The following NDUFAF2 variants were observed in gnomAD, a reference collection of about 807,000 sequenced individuals.
NDUFAF2 encodes NADH dehydrogenase [ubiquinone] 1 alpha subcomplex assembly factor 2.
A neutral mutation model predicts 22.8 loss-of-function variants in NDUFAF2; 13 were observed. That is an observed-to-expected ratio of 0.57 (90% CI 0.37 to 0.91). NDUFAF2 has a LOEUF of 0.91. NDUFAF2 is among the 40% of genes least tolerant of loss of function. The pLI, the probability that NDUFAF2 is intolerant of heterozygous loss-of-function variation, is 0.01. For synonymous variants in NDUFAF2, 53 were observed against 64.2 expected (o/e 0.83, Z 0.84); for missense variants, 162 against 195.2 (o/e 0.83, Z 1.01).
At chr5:60,967,472 G>T (rs1015699456) in intron 1 of NDUFAF2, among the ~76,000 whole-genome samples, 88 of 151,612 alleles carry the variant, frequency 5.8e-4, no homozygotes, top group African/African-American at 2.0e-3. Flanking sequence ...TTAACTATAT[G>T]TTTATCATAT....
intron 1 of NDUFAF2, among the ~76,000 whole-genome samples, chr5:60,988,810 A>G (rs1751118165): frequency 6.6e-6 from 1 of 152,192 alleles, no homozygotes; most frequent in Non-Finnish European, 1.5e-5. Context: ...TGCAAAATCT[A>G]AAACTATAAT....
At chr5:60,946,102 T>C (rs1750448571) in intron 1 of NDUFAF2, among the ~76,000 whole-genome samples, 1 of 152,098 alleles carries the variant, frequency 6.6e-6, no homozygotes, top group Non-Finnish European at 1.5e-5. Flanking sequence ...GCGGGTTGTT[T>C]GGGGAGTAAG....
At chr5:61,104,669 C>T (rs1215833388) in intron 3 of NDUFAF2, among the ~76,000 whole-genome samples, 2 of 151,958 alleles carry the variant, frequency 1.3e-5, no homozygotes, top group Non-Finnish European at 2.9e-5. Context: ...TCTAAGGTTG[C>T]TTGGCCCTAA....
intron 1 of NDUFAF2, among the ~76,000 whole-genome samples, chr5:60,948,970 A>C (rs959168877): frequency 1.3e-5 from 2 of 151,806 alleles, no homozygotes; most frequent in Admixed American, 6.6e-5. Context: ...AGTCTTTTTA[A>C]TTTTAGCTCT....
chr5:61,088,876 T>A (rs1752535215), intron 2 of NDUFAF2, among the ~76,000 whole-genome samples: 1 of 152,122 alleles, frequency 6.6e-6, no homozygotes, highest in South Asian at 2.1e-4. Flanking sequence ...GTAAGTGAAG[T>A]AAGCACATAT....
chr5:61,151,969 G>T (rs1226293972), intron 3 of NDUFAF2, among the ~76,000 whole-genome samples: 1 of 152,150 alleles, frequency 6.6e-6, no homozygotes, highest in African/African-American at 2.4e-5. Context: ...CTATAGTGAT[G>T]CTTCTTAAAT....
At chr5:60,980,999 G>GAGAT (rs1312197473) in intron 1 of NDUFAF2, among the ~76,000 whole-genome samples, 1 of 152,170 alleles carries the variant, frequency 6.6e-6, no homozygotes, top group Non-Finnish European at 1.5e-5. Context: ...GATAAAGAGA[G>GAGAT]AGATGGGGTA....
At chr5:61,007,339 A>T (rs3108387) in intron 1 of NDUFAF2, among the ~76,000 whole-genome samples, 94,917 of 150,216 alleles carry the variant, frequency 0.63, 30,299 homozygotes, top group East Asian at 0.94. Flanking sequence ...ACATATGGCT[A>T]GCCAGTTTTC....
intron 1 of NDUFAF2, among the ~76,000 whole-genome samples, chr5:61,047,537 T>A (rs577044618): frequency 1.6e-4 from 25 of 152,308 alleles, no homozygotes; most frequent in African/African-American, 6.0e-4. Flanking sequence ...AGTTAGGGGC[T>A]GACCTCAGCA....
intron 1 of NDUFAF2, among the ~76,000 whole-genome samples, chr5:60,996,111 C>CT (rs1177710372): frequency 6.6e-6 from 1 of 152,070 alleles, no homozygotes; most frequent in Non-Finnish European, 1.5e-5. Flanking sequence ...ACTGGGGACT[C>CT]TAAGAACCTG....
chr5:61,125,917 A>G (rs1277615740), intron 3 of NDUFAF2, among the ~76,000 whole-genome samples: 1 of 152,188 alleles, frequency 6.6e-6, no homozygotes, highest in East Asian at 1.9e-4. Context: ...TGTATTCTGC[A>G]CTAAGTGTGC....
At chr5:61,150,201 G>A (rs1043546213) in intron 3 of NDUFAF2, among the ~76,000 whole-genome samples, 1 of 152,150 alleles carries the variant, frequency 6.6e-6, no homozygotes, top group Admixed American at 6.5e-5. Context: ...CAAAGTGCTA[G>A]GATTACAGGC....
chr5:60,955,419 G>C (rs1330562363), intron 1 of NDUFAF2, among the ~76,000 whole-genome samples: 6 of 152,132 alleles, frequency 3.9e-5, no homozygotes, highest in Non-Finnish European at 8.8e-5. Flanking sequence ...TGTTCCAATA[G>C]TTTATATGTC....
chr5:60,991,754 A>G (rs74925126), intron 1 of NDUFAF2, among the ~76,000 whole-genome samples: 1 of 152,154 alleles, frequency 6.6e-6, no homozygotes, highest in Non-Finnish European at 1.5e-5. Flanking sequence ...TAATGCTGCA[A>G]TAAACATGGC....
intron 1 of NDUFAF2, among the ~76,000 whole-genome samples, chr5:60,988,190 A>G (rs1751108743): frequency 6.6e-6 from 1 of 152,180 alleles, no homozygotes; most frequent in African/African-American, 2.4e-5. Flanking sequence ...TTGCCAGAAA[A>G]AGAATAAAAT....
At chr5:61,017,331 A>C (rs963425712) in intron 1 of NDUFAF2, among the ~76,000 whole-genome samples, 1 of 152,190 alleles carries the variant, frequency 6.6e-6, no homozygotes, top group African/African-American at 2.4e-5. Context: ...TCTTTGTAGA[A>C]GCTTTGAACT....
At chr5:61,141,316 A>T (rs919294605) in intron 3 of NDUFAF2, among the ~76,000 whole-genome samples, 1 of 152,016 alleles carries the variant, frequency 6.6e-6, no homozygotes, top group Non-Finnish European at 1.5e-5. Flanking sequence ...GTTTTATATG[A>T]TTGCAGAATT....
At chr5:60,953,739 G>GT (rs1750578896) in intron 1 of NDUFAF2, among the ~76,000 whole-genome samples, 1 of 152,136 alleles carries the variant, frequency 6.6e-6, no homozygotes, top group Non-Finnish European at 1.5e-5. Context: ...TTGAGGAAGA[G>GT]TATATGCATA....
At chr5:61,003,580 T>A (rs1367819600) in intron 1 of NDUFAF2, among the ~76,000 whole-genome samples, 5 of 151,568 alleles carry the variant, frequency 3.3e-5, no homozygotes, top group African/African-American at 1.2e-4. Flanking sequence ...ACACCAGAAC[T>A]TCAGATATGT....
Sources: allele counts gnomAD v4.1 joint callset (sites outside exome capture counted in the v4.1 genomes callset), GRCh38; gene constraint gnomAD v4.1.1; transcripts MANE v1.5; gene names NCBI Gene and HGNC (gene_info 2026-07-23, HGNC 2026-07-21).